CHN2: variants seen among roughly 807,000 people sequenced by gnomAD.
CHN2 encodes the protein chimerin 2.
A neutral mutation model predicts 56.3 loss-of-function variants in CHN2; 35 were observed. That is an observed-to-expected ratio of 0.62 (90% CI 0.47 to 0.82). CHN2 has a LOEUF of 0.82. Among genes scored for constraint, CHN2 ranks in the 40% least tolerant of loss-of-function variants. CHN2 has a pLI of 0.00. For synonymous variants in CHN2, 210 were observed against 212.8 expected (o/e 0.99, Z 0.12); for missense variants, 491 against 580.5 (o/e 0.85, Z 1.58).
chr7:29,179,096 G>A (rs1158895377), intron 2 of CHN2, among the ~76,000 whole-genome samples: 1 of 152,116 alleles, frequency 6.6e-6, no homozygotes, highest in Non-Finnish European at 1.5e-5. Flanking sequence ...CCAATATCAT[G>A]CTGACACACT....
intron 1 of CHN2, among the ~76,000 whole-genome samples, chr7:29,269,791 T>C (rs1790466721): frequency 6.6e-6 from 1 of 152,206 alleles, no homozygotes; most frequent in Non-Finnish European, 1.5e-5. Flanking sequence ...ACAGTCCCCT[T>C]CCAGGGGCTG....
At chr7:29,352,548 T>C (rs1239435143) in intron 1 of CHN2, among the ~76,000 whole-genome samples, 1 of 151,786 alleles carries the variant, frequency 6.6e-6, no homozygotes, top group Non-Finnish European at 1.5e-5. Flanking sequence ...GCGGTGAAAC[T>C]CCATCTCTAT....
intron 1 of CHN2, among the ~76,000 whole-genome samples, chr7:29,258,197 T>C (rs1384350738): frequency 6.6e-6 from 1 of 152,196 alleles, no homozygotes; most frequent in Non-Finnish European, 1.5e-5. Flanking sequence ...AAACTGGGTC[T>C]CTTGAGAGTG....
intron 1 of CHN2, among the ~76,000 whole-genome samples, chr7:29,306,145 G>A (rs1258546596): frequency 2.6e-5 from 4 of 152,128 alleles, no homozygotes; most frequent in African/African-American, 7.2e-5. Flanking sequence ...TGTTATGGAA[G>A]CTGGTATGTG....
rs540494163 is a variant in CHN2, at chr7:29,400,351, G to A, written c.291-192G>A. ...CTCTTCAAGCATCAGTTACCTTTGC[G>A]GTAAGACAGGCATAACCATTATACC... On this transcript the variant is annotated intron_variant, in intron 5 of 12. Coordinates refer to ENST00000222792, the MANE Select transcript of CHN2 (RefSeq NM_004067.4). The A allele has an allele frequency of 1.8e-4, 107 of 608,584 alleles. 1 individual carries two copies. In the Middle Eastern group the frequency reaches 9.0e-3, roughly 51 times the overall value. The allele number at this position is 608,584 out of a possible 1,614,324, so 37.7% of individuals were successfully genotyped here.
intron 7 of CHN2, among the ~76,000 whole-genome samples, chr7:29,482,816 T>C (rs56132735): frequency 0.031 from 1,990 of 65,066 alleles, 3 homozygotes; most frequent in Non-Finnish European, 0.048. Flanking sequence ...TTTTTTTTTT[T>C]TTTTTTTTTT....
At chr7:29,468,573 T>C (rs373515931) in intron 6 of CHN2, among the ~76,000 whole-genome samples, 13 of 152,248 alleles carry the variant, frequency 8.5e-5, no homozygotes, top group African/African-American at 3.1e-4. Context: ...ACTCTCTGGA[T>C]CCCACCTGTT....
chr7:29,204,066 TCTGTGTG>T (rs1784350970), intron 1 of CHN2, among the ~76,000 whole-genome samples: 4 of 80,790 alleles, frequency 5.0e-5, no homozygotes, highest in African/African-American at 2.6e-4. Flanking sequence ...TTTCTCTCTC[TCTGTGTG>T]TGTGTGTGTG....
chr7:29,377,114 G>A (rs918140713), intron 3 of CHN2, among the ~76,000 whole-genome samples: 3 of 152,008 alleles, frequency 2.0e-5, no homozygotes, highest in Non-Finnish European at 4.4e-5. Context: ...TGCAACTTCC[G>A]CCTCCCAGTT....
intron 2 of CHN2, chr7:29,147,026 G>C (rs564143853): frequency 6.5e-7 from 1 of 1,546,572 alleles, no homozygotes; most frequent in African/African-American, 1.4e-5. Context: ...TGGAGTCTCA[G>C]AGCCACCTGA....
chr7:29,243,232 C>A (rs1363170321), intron 1 of CHN2, among the ~76,000 whole-genome samples: 1 of 152,032 alleles, frequency 6.6e-6, no homozygotes, highest in Non-Finnish European at 1.5e-5. Flanking sequence ...AAAAAGCAAT[C>A]TTTTACAAAT....
At chr7:29,297,003 C>T (rs1793215411) in intron 1 of CHN2, among the ~76,000 whole-genome samples, 1 of 152,152 alleles carries the variant, frequency 6.6e-6, no homozygotes. Flanking sequence ...GGGATCTGTC[C>T]TAACGTTGTA....
At chr7:29,401,712 A>C (rs1029747476) in intron 6 of CHN2, among the ~76,000 whole-genome samples, 2 of 152,196 alleles carry the variant, frequency 1.3e-5, no homozygotes, top group Non-Finnish European at 2.9e-5. Flanking sequence ...ATGCCTCACC[A>C]AGGATTAAAA....
chr7:29,287,582 G>C (rs1792255774), intron 1 of CHN2, among the ~76,000 whole-genome samples: 1 of 152,138 alleles, frequency 6.6e-6, no homozygotes, highest in Admixed American at 6.5e-5. Flanking sequence ...TACTATACAA[G>C]TGTTAGTCAT....
chr7:29,239,955 C>G (rs772028704), intron 1 of CHN2, among the ~76,000 whole-genome samples: 149 of 152,286 alleles, frequency 9.8e-4, no homozygotes, highest in Admixed American at 2.0e-3. Context: ...GCATAATCTG[C>G]TAATTTTTAG....
chr7:29,147,076 C>T, intron 2 of CHN2: 29 of 1,409,298 alleles, frequency 2.1e-5, no homozygotes, highest in Non-Finnish European at 2.8e-5. Flanking sequence ...AATTGGGGGA[C>T]ACAAACTAAG....
chr7:29,280,106 A>G (rs555221680), intron 1 of CHN2, among the ~76,000 whole-genome samples: 1 of 152,174 alleles, frequency 6.6e-6, no homozygotes, highest in Non-Finnish European at 1.5e-5. Flanking sequence ...AAAGGAGGCC[A>G]TGCGCGGTGG....
At chr7:29,196,205 G>T (rs1007110519) in intron 1 of CHN2, among the ~76,000 whole-genome samples, 5 of 152,220 alleles carry the variant, frequency 3.3e-5, no homozygotes, top group African/African-American at 9.7e-5. Context: ...AGGTGAATTT[G>T]ACTAAGGTGC....
intron 1 of CHN2, among the ~76,000 whole-genome samples, chr7:29,350,456 T>TTTAGTGGTTTGTG: frequency 6.6e-6 from 1 of 152,202 alleles, no homozygotes; most frequent in Admixed American, 6.5e-5. Context: ...GACCAAGGCC[T>TTTAGTGGTTTGTG]CCTGACAGTG....
Sources: allele counts gnomAD v4.1 joint callset (sites outside exome capture counted in the v4.1 genomes callset), GRCh38; gene constraint gnomAD v4.1.1; transcripts MANE v1.5; gene names NCBI Gene and HGNC (gene_info 2026-07-23, HGNC 2026-07-21).